The following RPH3A variants were observed in gnomAD, a reference collection of about 807,000 sequenced individuals.
The protein encoded by RPH3A is rabphilin 3A.
Under a neutral mutation model 102.2 loss-of-function variants are expected in RPH3A, and 48 were observed. The ratio of observed to expected loss-of-function variants is 0.47; its 90% confidence interval spans 0.37 to 0.60. RPH3A has a LOEUF of 0.60. Among genes scored for constraint, RPH3A ranks in the 20% least tolerant of loss-of-function variants. The pLI is 0.00. For missense variants in RPH3A, 781 were observed against 910.1 expected (o/e 0.86, Z 1.83); for synonymous variants, 310 against 324.3 (o/e 0.96, Z 0.47).
intron 1 of RPH3A, among the ~76,000 whole-genome samples, chr12:112,748,538 T>A (rs1380153400): frequency 6.6e-6 from 1 of 152,114 alleles, no homozygotes; most frequent in African/African-American, 2.4e-5. Context: ...CCTTACTATA[T>A]TGCTCGGGCT....
intron 1 of RPH3A, among the ~76,000 whole-genome samples, chr12:112,738,663 C>A (rs2040686149): frequency 6.6e-6 from 1 of 152,124 alleles, no homozygotes; most frequent in Admixed American, 6.5e-5. Context: ...GCTGCACTAC[C>A]TCCAGCTCAA....
At chr12:112,781,679 C>G (rs993724945) in intron 1 of RPH3A, among the ~76,000 whole-genome samples, 11 of 152,210 alleles carry the variant, frequency 7.2e-5, no homozygotes, top group Non-Finnish European at 1.5e-4. Context: ...CCCTTTTCAT[C>G]CATTCATTCA....
At chr12:112,712,971 T>TTCGTCG (rs2040481092) in intron 1 of RPH3A, among the ~76,000 whole-genome samples, 1 of 114,762 alleles carries the variant, frequency 8.7e-6, no homozygotes, top group African/African-American at 2.9e-5. Flanking sequence ...TTCTTTCTTC[T>TTCGTCG]TCTTTCTTCT....
chr12:112,777,774 AC>A (rs1456492782), intron 1 of RPH3A, among the ~76,000 whole-genome samples: 11 of 152,364 alleles, frequency 7.2e-5, no homozygotes, highest in Admixed American at 5.9e-4. Flanking sequence ...GAAATGCAGC[AC>A]AGGCTGCAAT....
chr12:112,586,224 G>C (rs1399486678), intron 1 of RPH3A, among the ~76,000 whole-genome samples: 1 of 152,158 alleles, frequency 6.6e-6, no homozygotes, highest in Non-Finnish European at 1.5e-5. Context: ...ATTAGCTGCT[G>C]GAGGTATTGC....
chr12:112,621,977 A>G (rs996936871), intron 1 of RPH3A, among the ~76,000 whole-genome samples: 3 of 150,854 alleles, frequency 2.0e-5, no homozygotes, highest in African/African-American at 7.3e-5. Context: ...GGGTATTCCA[A>G]CAGACCTGCA....
rs35952537 is a variant in RPH3A, at chr12:112,725,250, G to GAAA, written c.-139-66866_-139-66864dup. Among the ~76,000 whole-genome samples the GAAA allele has an allele frequency of 1.6e-4, 10 of 63,066 alleles. 1 individual carries two copies. The highest frequency in any genetic ancestry group is 6.2e-4 in the South Asian group (1 of 1,612). 41.4% of individuals were successfully genotyped at this position (63,066 alleles called of 152,430 possible). On this transcript the variant is annotated intron_variant, in intron 1 of 21. Transcript: ENST00000543106. ...GGTGACAGAGCAAGACTTTGTCTCA[G>GAAA]AAAAAAAAAAAAAAAAAAAAAAAAA... is the stretch of plus-strand genomic sequence containing the variant.
chr12:112,745,090 T>G (rs1320622721), intron 1 of RPH3A, among the ~76,000 whole-genome samples: 1 of 152,196 alleles, frequency 6.6e-6, no homozygotes. Context: ...TCTGGAGCAG[T>G]TCTTGGCCTT....
At chr12:112,655,267 C>T (rs2040002915) in intron 1 of RPH3A, among the ~76,000 whole-genome samples, 2 of 152,226 alleles carry the variant, frequency 1.3e-5, no homozygotes, top group South Asian at 4.1e-4. Flanking sequence ...TTTTCCTCTA[C>T]AATCAGCTTA....
rs2039981471 is a variant in RPH3A, at chr12:112,652,465, GT to G, written c.-140+77149del. Among the ~76,000 whole-genome samples, 4 of 152,176 alleles carry G rather than the reference GT, an allele frequency of 2.6e-5. No individual in the cohort carries two copies. The South Asian group carries it at 8.3e-4, about 32-fold the overall frequency. On this transcript the variant is annotated intron_variant, in intron 1 of 21. Transcript: ENST00000543106. ...AGCCTGGGTGACAGAAAAAGACCCT[GT>G]TTCTCAAAAACAACAAAACTCCAAA...
chr12:112,766,101 C>A (rs549241090), intron 1 of RPH3A, among the ~76,000 whole-genome samples: 2 of 152,106 alleles, frequency 1.3e-5, no homozygotes, highest in African/African-American at 4.8e-5. Context: ...GCTCCCCAAG[C>A]CTACACAAGA....
At chr12:112,690,967 G>A (rs907072498) in intron 1 of RPH3A, among the ~76,000 whole-genome samples, 6 of 152,084 alleles carry the variant, frequency 3.9e-5, no homozygotes, top group African/African-American at 1.2e-4. Context: ...GACAAAATGG[G>A]CTCATGTAGT....
chr12:112,756,477 G>T (rs1327119352), intron 1 of RPH3A, among the ~76,000 whole-genome samples: 1 of 152,188 alleles, frequency 6.6e-6, no homozygotes, highest in Non-Finnish European at 1.5e-5. Context: ...CTCCCAAAGT[G>T]CTGGGATTAC....
chr12:112,599,116 A>C lies in RPH3A; in HGVS notation c.-140+23797A>C, dbSNP rs575447639. On this transcript the variant is annotated intron_variant, in intron 1 of 21. Coordinates refer to the RPH3A transcript ENST00000543106. ...CACACTGCCTGCTGCATAGGCTTTGACATATTATCAGGACCAACATGGAAG... is the reference window on the plus strand; with the variant it reads ...CACACTGCCTGCTGCATAGGCTTTGCCATATTATCAGGACCAACATGGAAG... Among the ~76,000 whole-genome samples, 25 of 152,288 alleles carry C rather than the reference A, an allele frequency of 1.6e-4. No homozygotes were observed. The South Asian group carries it at 1.7e-3, about 10-fold the overall frequency.
chr12:112,724,138 C>A (rs2136044019), intron 1 of RPH3A, among the ~76,000 whole-genome samples: 1 of 149,878 alleles, frequency 6.7e-6, no homozygotes, highest in African/African-American at 2.5e-5. Context: ...CTCACTGAAG[C>A]CTCATCCTCG....
chr12:112,700,114 G>C (rs2040382382), intron 1 of RPH3A, among the ~76,000 whole-genome samples: 1 of 150,858 alleles, frequency 6.6e-6, no homozygotes, highest in African/African-American at 2.4e-5. Context: ...TTGTTGCCTA[G>C]GCTGGAGTGC....
At chr12:112,740,092 G>A (rs139666851) in intron 1 of RPH3A, among the ~76,000 whole-genome samples, 1 of 152,100 alleles carries the variant, frequency 6.6e-6, no homozygotes, top group African/African-American at 2.4e-5. Context: ...AAACAGTTTC[G>A]GATTTCTTGA....
intron 5 of RPH3A, among the ~76,000 whole-genome samples, chr12:112,863,162 C>A (rs1480611991): frequency 6.6e-6 from 1 of 152,224 alleles, no homozygotes; most frequent in Non-Finnish European, 1.5e-5. Flanking sequence ...CATCATGTGC[C>A]ACCACCTGGG....
At chr12:112,682,835 T>A (rs984802059) in intron 1 of RPH3A, among the ~76,000 whole-genome samples, 11 of 152,230 alleles carry the variant, frequency 7.2e-5, no homozygotes, top group African/African-American at 2.7e-4. Context: ...TGCTATGTGC[T>A]CTTTCTGCCC....
Sources: allele counts gnomAD v4.1 joint callset (sites outside exome capture counted in the v4.1 genomes callset), GRCh38; gene constraint gnomAD v4.1.1; transcripts MANE v1.5; gene names NCBI Gene and HGNC (gene_info 2026-07-23, HGNC 2026-07-21).